KAZN: variants seen among roughly 807,000 people sequenced by gnomAD.
KAZN encodes kazrin, periplakin interacting protein.
A neutral mutation model predicts 87.4 loss-of-function variants in KAZN; 40 were observed. That is an observed-to-expected ratio of 0.46 (90% CI 0.36 to 0.60). The LOEUF is 0.60. Among genes scored for constraint, KAZN ranks in the 20% least tolerant of loss-of-function variants. The probability of loss-of-function intolerance (pLI) is 0.00; values close to 1 mark genes in which losing one functional copy is unlikely to be tolerated. For missense variants in KAZN, 898 were observed against 1,073.9 expected, an observed-to-expected ratio of 0.84 and a Z score of 2.29; for synonymous variants, 466 against 458.3, an observed-to-expected ratio of 1.02 and a Z score of -0.22.
intron 2 of KAZN, among the ~76,000 whole-genome samples, chr1:14,503,351 G>A (rs575134086): frequency 1.3e-5 from 2 of 151,404 alleles, no homozygotes; most frequent in Admixed American, 1.3e-4. Flanking sequence ...GGGCGTGGTG[G>A]CGGGTGCCTG....
intron 1 of KAZN, among the ~76,000 whole-genome samples, chr1:14,638,790 T>C (rs1315252313): frequency 6.6e-6 from 1 of 152,028 alleles, no homozygotes; most frequent in Non-Finnish European, 1.5e-5. Flanking sequence ...CCATCAATTG[T>C]CTCCTGGACA....
At chr1:14,101,862 A>G (rs1644261865) in intron 1 of KAZN, among the ~76,000 whole-genome samples, 2 of 152,244 alleles carry the variant, frequency 1.3e-5, no homozygotes, top group Admixed American at 6.5e-5. Flanking sequence ...TTTTTTCCAA[A>G]TAGTGCAAAC....
intron 2 of KAZN, among the ~76,000 whole-genome samples, chr1:14,275,444 C>CTG (rs60684981): frequency 0.2 from 27,076 of 136,670 alleles, 2,688 homozygotes; most frequent in African/African-American, 0.25. Flanking sequence ...GTGGTAAATA[C>CTG]TGTGTGTGTG....
At chr1:14,881,448 A>T (rs1369932465) in intron 1 of KAZN, among the ~76,000 whole-genome samples, 1 of 152,234 alleles carries the variant, frequency 6.6e-6, no homozygotes, top group Non-Finnish European at 1.5e-5. Context: ...CAGGAAATAA[A>T]CTTTCTGTGA....
chr1:13,910,611 G>A (rs1022957329), intron 1 of KAZN, among the ~76,000 whole-genome samples: 1 of 151,980 alleles, frequency 6.6e-6, no homozygotes, highest in Admixed American at 6.6e-5. Context: ...AGTTTCCTGA[G>A]GCTTCCCCAG....
At chr1:14,601,619 A>T (rs1384084311) in intron 1 of KAZN, among the ~76,000 whole-genome samples, 1 of 152,206 alleles carries the variant, frequency 6.6e-6, no homozygotes, top group Non-Finnish European at 1.5e-5. Flanking sequence ...TTAAAGTGCA[A>T]TTGATTGGGT....
At chr1:14,083,165 C>T (rs1451150434) in intron 1 of KAZN, among the ~76,000 whole-genome samples, 1 of 152,220 alleles carries the variant, frequency 6.6e-6, no homozygotes, top group Non-Finnish European at 1.5e-5. Flanking sequence ...CCTCACCCAT[C>T]CCTGGCCTCT....
chr1:14,783,539 C>A (rs1279017729), intron 1 of KAZN, among the ~76,000 whole-genome samples: 1 of 152,076 alleles, frequency 6.6e-6, no homozygotes, highest in Non-Finnish European at 1.5e-5. Flanking sequence ...CTGGGCTAGA[C>A]CCTAGAGATA....
chr1:14,931,018 T>A (rs1440925962), intron 1 of KAZN, among the ~76,000 whole-genome samples: 1 of 152,008 alleles, frequency 6.6e-6, no homozygotes, highest in Non-Finnish European at 1.5e-5. Flanking sequence ...GAGGGAAACC[T>A]CTGCAGGGAT....
chr1:14,423,229 G>C (rs1571610972), intron 2 of KAZN, among the ~76,000 whole-genome samples: 1 of 152,142 alleles, frequency 6.6e-6, no homozygotes, highest in East Asian at 1.9e-4. Context: ...TTTCATCCTA[G>C]CTTGACCACA....
intron 8 of KAZN, among the ~76,000 whole-genome samples, chr1:15,071,478 C>T (rs1355872413): frequency 3.3e-5 from 5 of 152,250 alleles, no homozygotes; most frequent in East Asian, 1.9e-4. Context: ...TGATTTTGAA[C>T]GCCTGACCTC....
At chr1:14,173,368 G>A (rs1645996872) in intron 1 of KAZN, among the ~76,000 whole-genome samples, 1 of 152,138 alleles carries the variant, frequency 6.6e-6, no homozygotes, top group Non-Finnish European at 1.5e-5. Context: ...CTGCAATGAT[G>A]TCTTCAAGGA....
intron 8 of KAZN, among the ~76,000 whole-genome samples, chr1:15,071,556 G>A (rs1639508590): frequency 6.6e-6 from 1 of 152,206 alleles, no homozygotes; most frequent in African/African-American, 2.4e-5. Context: ...CACCCAGCCT[G>A]GGTATGGATA....
intron 1 of KAZN, among the ~76,000 whole-genome samples, chr1:14,000,165 T>C (rs1482574192): frequency 6.6e-6 from 1 of 152,174 alleles, no homozygotes; most frequent in East Asian, 1.9e-4. Flanking sequence ...TTCCAAAGAA[T>C]TGAAAAGCAG....
At chr1:14,275,261 A>T (rs996111251) in intron 2 of KAZN, among the ~76,000 whole-genome samples, 1 of 152,120 alleles carries the variant, frequency 6.6e-6, no homozygotes, top group Non-Finnish European at 1.5e-5. Flanking sequence ...AGTCCTCACA[A>T]TGTGGTCTCT....
At chr1:14,459,765 A>G (rs1000070782) in intron 2 of KAZN, among the ~76,000 whole-genome samples, 39 of 152,190 alleles carry the variant, frequency 2.6e-4, no homozygotes, top group Admixed American at 1.3e-3. Context: ...TTGCAAAAGA[A>G]ACATATACTT....
chr1:14,578,037 G>A (rs984933310), intron 2 of KAZN, among the ~76,000 whole-genome samples: 4 of 152,040 alleles, frequency 2.6e-5, no homozygotes, highest in Admixed American at 6.6e-5. Context: ...CTTCTCACCC[G>A]TACACTGAGG....
At chr1:14,927,186 A>C (rs1435486287) in intron 1 of KAZN, among the ~76,000 whole-genome samples, 1 of 152,218 alleles carries the variant, frequency 6.6e-6, no homozygotes, top group African/African-American at 2.4e-5. Flanking sequence ...ATCATTCCAG[A>C]GCCCCCTCAG....
chr1:14,377,788 A>G (rs72869068), intron 2 of KAZN, among the ~76,000 whole-genome samples: 2 of 152,256 alleles, frequency 1.3e-5, no homozygotes, highest in East Asian at 1.9e-4. Flanking sequence ...GCATTTCTCA[A>G]CTTCGGCACT....
Sources: gnomAD v4.1 joint callset for allele counts (sites outside exome capture counted in the v4.1 genomes callset) on GRCh38, gnomAD v4.1.1 for gene constraint, MANE v1.5 for transcripts, NCBI Gene and HGNC (gene_info 2026-07-23, HGNC 2026-07-21) for gene names.